The following MON2 variants were observed in gnomAD, a reference collection of about 807,000 sequenced individuals.
MON2 encodes the protein protein MON2 homolog.
A neutral mutation model predicts 208.6 loss-of-function variants in MON2; 84 were observed. The ratio of observed to expected loss-of-function variants is 0.40; its 90% CI spans 0.34 to 0.48. The LOEUF (loss-of-function observed/expected upper bound fraction) is 0.48. Among genes scored for constraint, MON2 ranks in the 20% least tolerant of loss-of-function variants. The probability of loss-of-function intolerance (pLI) is 0.59; values close to 1 mark genes in which losing one functional copy is unlikely to be tolerated. For missense variants in MON2, 1,611 were observed against 2,015.4 expected (o/e 0.80, Z 3.84); for synonymous variants, 660 against 694.0 (o/e 0.95, Z 0.77).
At chr12:62,530,577 CTT>C (rs1452197521) in intron 11 of MON2, among the ~76,000 whole-genome samples, 1 of 152,148 alleles carries the variant, frequency 6.6e-6, no homozygotes, top group Non-Finnish European at 1.5e-5. Context: ...TGTGTTCATA[CTT>C]TATTCCTTTA....
chr12:62,474,908 T>C (rs2068989022), intron 1 of MON2, among the ~76,000 whole-genome samples: 1 of 152,204 alleles, frequency 6.6e-6, no homozygotes, highest in Non-Finnish European at 1.5e-5. Flanking sequence ...TTTAGCATAC[T>C]TCTCCTTTTT....
At chr12:62,473,582 A>G (rs2068904134) in intron 1 of MON2, among the ~76,000 whole-genome samples, 1 of 150,744 alleles carries the variant, frequency 6.6e-6, no homozygotes, top group African/African-American at 2.4e-5. Context: ...TTTTGTTTCT[A>G]TTTTTTGAGA....
chr12:62,499,344 G>A (rs140253877), intron 5 of MON2, among the ~76,000 whole-genome samples: 1,531 of 151,672 alleles, frequency 0.01, 20 homozygotes, highest in Non-Finnish European at 0.018. Flanking sequence ...TTATTGCTTC[G>A]TCCTCATAAT....
At chr12:62,480,305 T>A (rs1200363590) in intron 1 of MON2, among the ~76,000 whole-genome samples, 3 of 152,148 alleles carry the variant, frequency 2.0e-5, no homozygotes, top group Admixed American at 2.0e-4. Flanking sequence ...ACCCCTATAA[T>A]CTCAGCACTT....
intron 8 of MON2, among the ~76,000 whole-genome samples, chr12:62,514,726 C>T (rs1392312004): frequency 6.6e-6 from 1 of 152,144 alleles, no homozygotes. Context: ...AAAAGATTCA[C>T]AAATTACATA....
intron 30 of MON2, among the ~76,000 whole-genome samples, chr12:62,573,466 C>T (rs998169948): frequency 3.3e-5 from 5 of 150,924 alleles, no homozygotes; most frequent in African/African-American, 1.2e-4. Flanking sequence ...GGTGACACAC[C>T]TGTAATCCCA....
intron 1 of MON2, among the ~76,000 whole-genome samples, chr12:62,478,297 A>G (rs930819119): frequency 6.6e-6 from 1 of 152,186 alleles, no homozygotes; most frequent in Non-Finnish European, 1.5e-5. Flanking sequence ...TATTATTCTT[A>G]TAGGTAGTAT....
At chr12:62,470,626 A>T in intron 1 of MON2, 1 of 588,376 alleles carries the variant, frequency 1.7e-6, no homozygotes, top group Non-Finnish European at 2.2e-6. Flanking sequence ...AGTGGCCTTT[A>T]GAGGAAGACA....
At chr12:62,508,090 T>C (rs2071196622) in intron 7 of MON2, among the ~76,000 whole-genome samples, 196 bp from the exon 8 acceptor site, 1 of 152,154 alleles carries the variant, frequency 6.6e-6, no homozygotes, top group Non-Finnish European at 1.5e-5. Flanking sequence ...GTTCTGACCT[T>C]AGACTCTCTA....
At chr12:62,546,253 CT>C (rs2073478245) in intron 21 of MON2, among the ~76,000 whole-genome samples, 1 of 151,980 alleles carries the variant, frequency 6.6e-6, no homozygotes, top group Non-Finnish European at 1.5e-5. Context: ...TTGATTACCT[CT>C]CTCCAAATAT....
chr12:62,537,750 T>C (rs750404635), intron 16 of MON2, 44 bp downstream of exon 16: 10 of 1,392,498 alleles, frequency 7.2e-6, no homozygotes, highest in Admixed American at 1.9e-5. Flanking sequence ...TGTTTTTATA[T>C]ATAATTGCTA....
chr12:62,546,756 CA>C, intron 21 of MON2, 140 bp from the exon 22 acceptor site: 230 of 643,814 alleles, frequency 3.6e-4, no homozygotes, highest in South Asian at 4.8e-4. Context: ...GACTCCATTT[CA>C]AAAAAAATAA....
chr12:62,521,074 C>T (rs1170259243), intron 8 of MON2, among the ~76,000 whole-genome samples: 2 of 151,582 alleles, frequency 1.3e-5, no homozygotes, highest in Non-Finnish European at 2.9e-5. Context: ...GGCGCGATCT[C>T]GGCTCACTGC....
rs1228250893 is a variant in MON2, at chr12:62,544,906, G to A, written c.2475G>A (p.Gln825=). The A allele has an allele frequency of 1.2e-6, 2 of 1,605,230 alleles. No homozygotes were observed. The highest frequency in any genetic ancestry group is 1.7e-6 in the Non-Finnish European group (2 of 1,176,128). Residue 825 remains glutamine, a synonymous_variant, in exon 21 of 35, where the codon CAG becomes CAA. Coordinates refer to ENST00000393630, the MANE Select transcript of MON2 (RefSeq NM_015026.3). ...PLTGHLLEVC[Q]HPNSRMREWG... ...ATTTTATATACCTTCAGGTCTGCCA[G>A]CATCCAAACTCTCGAATGAGAGAAT...
intron 4 of MON2, among the ~76,000 whole-genome samples, chr12:62,498,119 G>A (rs1034711261): frequency 2.6e-5 from 4 of 151,606 alleles, no homozygotes; most frequent in Non-Finnish European, 2.9e-5. Flanking sequence ...GCAAAATATG[G>A]TGTACTCGTA....
chr12:62,530,227 A>ATTTT (rs144345618), intron 11 of MON2, among the ~76,000 whole-genome samples: 11 of 126,218 alleles, frequency 8.7e-5, no homozygotes, highest in African/African-American at 1.2e-4. Context: ...CATCAGTATA[A>ATTTT]TTTTTTTTTT....
intron 3 of MON2, among the ~76,000 whole-genome samples, chr12:62,494,769 A>G (rs748171472): frequency 1.3e-5 from 2 of 152,330 alleles, no homozygotes; most frequent in Admixed American, 1.3e-4. Flanking sequence ...ACTAGGTATT[A>G]CAAAACTGCT....
At chr12:62,570,046 G>A (rs895676930) in intron 29 of MON2, among the ~76,000 whole-genome samples, 5 of 152,278 alleles carry the variant, frequency 3.3e-5, no homozygotes, top group African/African-American at 9.6e-5. Context: ...CTGTTTGTCA[G>A]TGGTGCTGTG....
At chr12:62,567,480 G>A (rs1202903274) in intron 29 of MON2, among the ~76,000 whole-genome samples, 1 of 152,132 alleles carries the variant, frequency 6.6e-6, no homozygotes, top group African/African-American at 2.4e-5. Context: ...TTGCTCCACA[G>A]AAACTGCTTT....
Sources: allele counts gnomAD v4.1 joint callset (sites outside exome capture counted in the v4.1 genomes callset), GRCh38; gene constraint gnomAD v4.1.1; transcripts MANE v1.5; gene names NCBI Gene and HGNC (gene_info 2026-07-23, HGNC 2026-07-21).